Variants in NR2C2 observed in about 807,000 individuals in gnomAD.
The protein encoded by NR2C2 is Nuclear hormone receptor TR4.
NR2C2 carries 6 observed loss-of-function variants against 62.9 expected under a neutral mutation model. The ratio of observed to expected loss-of-function variants is 0.10; its 90% CI spans 0.05 to 0.19. NR2C2 has a LOEUF of 0.19. NR2C2 is among the 10% of genes least tolerant of loss of function. The pLI is 1.00. For missense variants in NR2C2, 479 were observed against 762.7 expected (o/e 0.63, Z 4.38); for synonymous variants, 272 against 273.8 (o/e 0.99, Z 0.07).
At chr3:15,040,813 T>TC (rs962860564) in intron 13 of NR2C2, among the ~76,000 whole-genome samples, 1 of 152,162 alleles carries the variant, frequency 6.6e-6, no homozygotes, top group African/African-American at 2.4e-5. Context: ...AGGGAATGCA[T>TC]CCACACCCAG....
At chr3:14,989,233 A>G (rs1009401776) in intron 1 of NR2C2, among the ~76,000 whole-genome samples, 4 of 152,146 alleles carry the variant, frequency 2.6e-5, no homozygotes, top group Non-Finnish European at 4.4e-5. Flanking sequence ...GCTTTGGGGA[A>G]GGGGTGGGAC....
At chr3:14,986,198 A>G (rs1421746579) in intron 1 of NR2C2, among the ~76,000 whole-genome samples, 1 of 152,146 alleles carries the variant, frequency 6.6e-6, no homozygotes, top group African/African-American at 2.4e-5. Context: ...ACAAAAATCA[A>G]TATATAATAA....
chr3:14,965,599 A>G (rs1231519109), intron 1 of NR2C2, among the ~76,000 whole-genome samples: 1 of 150,466 alleles, frequency 6.6e-6, no homozygotes, highest in East Asian at 1.9e-4. Flanking sequence ...TGAGTGCAAA[A>G]GCAATCCTCC....
intron 1 of NR2C2, among the ~76,000 whole-genome samples, chr3:14,977,564 C>T (rs561126028): frequency 6.6e-6 from 1 of 152,080 alleles, no homozygotes; most frequent in South Asian, 2.1e-4. Context: ...TTTCTTCTTT[C>T]TTACATAGTT....
intron 1 of NR2C2, among the ~76,000 whole-genome samples, chr3:14,983,482 C>A (rs1168999018): frequency 6.6e-6 from 1 of 151,004 alleles, no homozygotes. Flanking sequence ...CACACACACA[C>A]ACACACACAC....
Position 15,042,591 on chromosome 3 carries a change from G to C in NR2C2, c.1617-243G>C, listed in dbSNP as rs145889322. 55 of 376,850 alleles carry C rather than the reference G, an allele frequency of 1.5e-4. No homozygotes were observed. In the East Asian group the frequency reaches 2.2e-3, roughly 15 times the overall value. 23.3% of individuals were successfully genotyped at this position (376,850 alleles called of 1,614,324 possible). ...GGTTTTCTCTTGGTGGTGGGGGTGAGGAGAGTTGGAATAAACAAGAGTGAA... is the reference window on the plus strand; with the variant it reads ...GGTTTTCTCTTGGTGGTGGGGGTGACGAGAGTTGGAATAAACAAGAGTGAA... On this transcript the variant is annotated intron_variant, in intron 13 of 13. Transcript: ENST00000425241.
At chr3:14,973,592 A>G (rs1417398638) in intron 1 of NR2C2, among the ~76,000 whole-genome samples, 7 of 150,796 alleles carry the variant, frequency 4.6e-5, no homozygotes, top group Non-Finnish European at 7.4e-5. Flanking sequence ...GTTTAGGTCT[A>G]TGATCCAGTT....
intron 1 of NR2C2, among the ~76,000 whole-genome samples, chr3:14,969,653 A>G (rs541336261): frequency 6.6e-6 from 1 of 152,218 alleles, no homozygotes; most frequent in Admixed American, 6.5e-5. Flanking sequence ...TCATACACCT[A>G]AACTATAAGT....
Position 15,034,712 on chromosome 3 carries a change from G to T in NR2C2, c.1275G>T (p.Glu425Asp). 2 of 1,614,182 alleles carry T rather than the reference G, an allele frequency of 1.2e-6. No homozygotes were observed. Among genetic ancestry groups the T allele is most frequent in the Non-Finnish European group, 1.7e-6 (2 of 1,180,026 alleles). The change falls in exon 11 of 14, where the codon GAG (glutamate) becomes GAT (aspartate). Residue 425 changes from glutamate to aspartate, a missense_variant. Coordinates refer to ENST00000425241, the MANE Select transcript of NR2C2 (RefSeq NM_001291694.2). Reference sequence around the variant, plus strand: ...GCCTTGTGCGGGCCTGCTGGAATGAGCTCTTCACCCTCGGCCTGGCCCAGT... The same window carrying T: ...GCCTTGTGCGGGCCTGCTGGAATGATCTCTTCACCCTCGGCCTGGCCCAGT... ...NTSLVRACWN[E>D]LFTLGLAQCA...
chr3:14,958,068 T>A (rs1023118375), intron 1 of NR2C2, among the ~76,000 whole-genome samples: 2 of 152,204 alleles, frequency 1.3e-5, no homozygotes, highest in Admixed American at 1.3e-4. Context: ...TTTAAATAAT[T>A]CCTCTCCTGT....
chr3:15,033,224 T>A (rs2042023721), intron 10 of NR2C2, among the ~76,000 whole-genome samples: 1 of 152,244 alleles, frequency 6.6e-6, no homozygotes, highest in African/African-American at 2.4e-5. Context: ...TGTCTAGTAG[T>A]TGACACTATT....
chr3:15,029,679 G>C (rs929076980), intron 8 of NR2C2, among the ~76,000 whole-genome samples: 3 of 152,122 alleles, frequency 2.0e-5, no homozygotes, highest in African/African-American at 7.2e-5. Context: ...TTGGGCCTAG[G>C]TGCAGTGGCT....
rs915498835 is a variant in NR2C2, at chr3:15,046,329, A to T, written c.*3321A>T. ...TGGACTCTTCTGAGGCAGTTAGGAC[A>T]CCAGCCATGGTGTTAACAGTGGATG... On this transcript the variant is annotated 3_prime_UTR_variant, in exon 14 of 14. Transcript: ENST00000425241. 2 of 152,260 alleles carry T rather than the reference A, an allele frequency of 1.3e-5. No individual in the cohort carries two copies. Among genetic ancestry groups the T allele is most frequent in the Non-Finnish European group, 2.9e-5 (2 of 68,052 alleles). The allele number at this position is 152,260 out of a possible 1,614,324, so 9.4% of individuals were successfully genotyped here.
chr3:14,994,693 G>A (rs2040771761), intron 1 of NR2C2, among the ~76,000 whole-genome samples: 1 of 150,436 alleles, frequency 6.6e-6, no homozygotes, highest in African/African-American at 2.4e-5. Context: ...CGCCAACCTC[G>A]GCCTCCCAAA....
intron 2 of NR2C2, among the ~76,000 whole-genome samples, chr3:15,010,840 C>T (rs1473161365): frequency 1.3e-5 from 2 of 152,152 alleles, no homozygotes; most frequent in African/African-American, 2.4e-5. Context: ...CATACCTCAA[C>T]CACAATGACT....
intron 10 of NR2C2, among the ~76,000 whole-genome samples, chr3:15,034,115 G>A (rs1452862311): frequency 2.0e-5 from 3 of 152,220 alleles, no homozygotes; most frequent in Non-Finnish European, 4.4e-5. Flanking sequence ...GTTTTGTGAT[G>A]TGCCAACTTT....
intron 1 of NR2C2, among the ~76,000 whole-genome samples, chr3:14,984,474 C>A (rs927261779): frequency 2.3e-4 from 35 of 152,176 alleles, no homozygotes; most frequent in Non-Finnish European, 5.9e-5. Flanking sequence ...GCTCTAGCCA[C>A]ATCTATCCCT....
intron 1 of NR2C2, among the ~76,000 whole-genome samples, chr3:14,949,988 T>G (rs2039301012): frequency 6.6e-6 from 1 of 152,238 alleles, no homozygotes; most frequent in South Asian, 2.1e-4. Flanking sequence ...CTCACTGTCC[T>G]CATCTGGACA....
At chr3:14,949,151 C>T (rs1393371872) in intron 1 of NR2C2, among the ~76,000 whole-genome samples, 2 of 152,292 alleles carry the variant, frequency 1.3e-5, no homozygotes, top group East Asian at 3.9e-4. Context: ...ACCAGCTGTA[C>T]AAGACCCCTG....
Sources: gnomAD v4.1 joint callset for allele counts (sites outside exome capture counted in the v4.1 genomes callset) on GRCh38, gnomAD v4.1.1 for gene constraint, MANE v1.5 for transcripts, NCBI Gene and HGNC (gene_info 2026-07-23, HGNC 2026-07-21) for gene names.